Variants in IRF2 observed in about 807,000 individuals in gnomAD.
IRF2 encodes interferon regulatory factor 2.
IRF2 carries 15 observed loss-of-function variants against 40.6 expected under a neutral mutation model. The ratio of observed to expected loss-of-function variants is 0.37; its 90% confidence interval spans 0.25 to 0.57. IRF2 has a LOEUF of 0.57. Among genes scored for constraint, IRF2 ranks in the 20% least tolerant of loss-of-function variants. The pLI, the probability that IRF2 is intolerant of heterozygous loss-of-function variation, is 0.77. For missense variants in IRF2, 317 were observed against 455.7 expected (o/e 0.70, Z 2.77); for synonymous variants, 151 against 165.5 (o/e 0.91, Z 0.67).
intron 7 of IRF2, among the ~76,000 whole-genome samples, chr4:184,391,550 A>G (rs1266203240): frequency 6.6e-6 from 1 of 152,200 alleles, no homozygotes; most frequent in Non-Finnish European, 1.5e-5. Context: ...TAGTCCAACA[A>G]CCTGCAAGAA....
intron 1 of IRF2, among the ~76,000 whole-genome samples, chr4:184,447,267 A>C (rs1738546318): frequency 6.6e-6 from 1 of 152,238 alleles, no homozygotes; most frequent in African/African-American, 2.4e-5. Context: ...TGGAGCTCCC[A>C]CTGGCCACAT....
chr4:184,435,643 G>A (rs934681387), intron 1 of IRF2, among the ~76,000 whole-genome samples: 22 of 152,194 alleles, frequency 1.4e-4, no homozygotes, highest in African/African-American at 4.8e-4. Flanking sequence ...TCCTAGCGCA[G>A]GGACAGCTGC....
chr4:184,466,154 G>A (rs1031571059), intron 1 of IRF2, among the ~76,000 whole-genome samples: 4 of 151,442 alleles, frequency 2.6e-5, no homozygotes, highest in Admixed American at 6.6e-5. Context: ...GGGTTCAAGC[G>A]ATTCTCCTGC....
chr4:184,425,543 C>T (rs973391900), intron 2 of IRF2, among the ~76,000 whole-genome samples: 11 of 152,254 alleles, frequency 7.2e-5, no homozygotes, highest in African/African-American at 1.2e-4. Context: ...AGAGGCGGCA[C>T]GGGCCGGCAG....
At chr4:184,436,533 AAGTT>A (rs1264716972) in intron 1 of IRF2, among the ~76,000 whole-genome samples, 2 of 152,238 alleles carry the variant, frequency 1.3e-5, no homozygotes, top group African/African-American at 2.4e-5. Flanking sequence ...ATTGCCAACT[AAGTT>A]AGGTAGTTCA....
chr4:184,441,583 T>C (rs1738312936), intron 1 of IRF2, among the ~76,000 whole-genome samples: 1 of 152,242 alleles, frequency 6.6e-6, no homozygotes, highest in African/African-American at 2.4e-5. Context: ...GGAGCTTTTC[T>C]GTGAGTAACT....
chr4:184,463,848 A>G (rs1164429008), intron 1 of IRF2, among the ~76,000 whole-genome samples: 1 of 152,216 alleles, frequency 6.6e-6, no homozygotes, highest in Non-Finnish European at 1.5e-5. Flanking sequence ...TCACACTCTG[A>G]TTAAGCTCTA....
chr4:184,433,756 G>A (rs3775562), intron 1 of IRF2, among the ~76,000 whole-genome samples: 22,434 of 152,136 alleles, frequency 0.15, 2,532 homozygotes, highest in East Asian at 0.4. Context: ...TTTGTGACTT[G>A]ATTTTTCTCC....
chr4:184,411,499 A>T (rs959100764), intron 5 of IRF2, among the ~76,000 whole-genome samples: 1 of 152,074 alleles, frequency 6.6e-6, no homozygotes, highest in Non-Finnish European at 1.5e-5. Flanking sequence ...AAACCCTGTC[A>T]TTTCAGAGCC....
At chr4:184,467,903 A>G (rs1739384100) in intron 1 of IRF2, among the ~76,000 whole-genome samples, 1 of 152,250 alleles carries the variant, frequency 6.6e-6, no homozygotes, top group South Asian at 2.1e-4. Context: ...ACAGGCTTTT[A>G]TCACACAAAA....
intron 1 of IRF2, among the ~76,000 whole-genome samples, chr4:184,468,015 C>T (rs1739388466): frequency 6.6e-6 from 1 of 152,342 alleles, no homozygotes. Flanking sequence ...TGCTTCTCAT[C>T]TGCAGCCATT....
intron 6 of IRF2, among the ~76,000 whole-genome samples, chr4:184,400,193 T>C (rs1278102398): frequency 1.3e-5 from 2 of 152,254 alleles, no homozygotes; most frequent in Admixed American, 6.5e-5. Context: ...TTTGTAACCA[T>C]AGCCACCTTC....
intron 2 of IRF2, among the ~76,000 whole-genome samples, chr4:184,423,200 G>C (rs1268555066): frequency 6.6e-6 from 1 of 152,052 alleles, no homozygotes; most frequent in Non-Finnish European, 1.5e-5. Flanking sequence ...TATGTGCCAG[G>C]TGTCTCATCC....
intron 1 of IRF2, among the ~76,000 whole-genome samples, chr4:184,456,159 G>C (rs1004622059): frequency 6.6e-6 from 1 of 152,192 alleles, no homozygotes; most frequent in African/African-American, 2.4e-5. Context: ...TTCCCTCTCT[G>C]CATCAGACTC....
chr4:184,428,752 C>T (rs2149903881), intron 2 of IRF2: 1 of 569,114 alleles, frequency 1.8e-6, no homozygotes, highest in Non-Finnish European at 3.3e-6. Context: ...TGAGTTATGA[C>T]TGCACCACTG....
chr4:184,428,651 T>G (rs1737756966), intron 2 of IRF2: 1 of 456,040 alleles, frequency 2.2e-6, no homozygotes, highest in African/African-American at 2.0e-5. Context: ...ATACAAAAAT[T>G]GGCCAGGTGT....
intron 1 of IRF2, among the ~76,000 whole-genome samples, chr4:184,473,724 C>T (rs1739617614): frequency 6.6e-6 from 1 of 151,152 alleles, no homozygotes; most frequent in African/African-American, 2.4e-5. Flanking sequence ...GCCCCTGGAC[C>T]GCCGCGGGGC....
intron 2 of IRF2, chr4:184,428,566 G>A: frequency 1.1e-5 from 4 of 377,578 alleles, no homozygotes; most frequent in South Asian, 7.7e-5. Context: ...GGGAGGCTGA[G>A]GTGGGAGGAT....
chr4:184,434,724 T>C (rs1738016149), intron 1 of IRF2, among the ~76,000 whole-genome samples: 1 of 152,222 alleles, frequency 6.6e-6, no homozygotes, highest in East Asian at 1.9e-4. Flanking sequence ...TTCATTGTGA[T>C]TCGTAAGTCA....
Sources: allele counts gnomAD v4.1 joint callset (sites outside exome capture counted in the v4.1 genomes callset), GRCh38; gene constraint gnomAD v4.1.1; transcripts MANE v1.5; gene names NCBI Gene and HGNC (gene_info 2026-07-23, HGNC 2026-07-21).